Variants in CERS6 observed in about 807,000 individuals in gnomAD.
The protein encoded by CERS6 is ceramide synthase 6.
CERS6 carries 26 observed loss-of-function variants against 56.8 expected under a neutral mutation model. The observed-to-expected ratio is 0.46, with a 90% CI of 0.34 to 0.63. The LOEUF (loss-of-function observed/expected upper bound fraction) is 0.63. Among genes scored for constraint, CERS6 ranks in the 30% least tolerant of loss-of-function variants. The pLI is 0.01. For missense variants in CERS6, 415 were observed against 467.5 expected (o/e 0.89, Z 1.04); for synonymous variants, 164 against 173.3 (o/e 0.95, Z 0.42).
At chr2:168,740,391 A>G (rs1295745984) in intron 8 of CERS6, among the ~76,000 whole-genome samples, 1 of 152,200 alleles carries the variant, frequency 6.6e-6, no homozygotes, top group Non-Finnish European at 1.5e-5. Flanking sequence ...ATATTTGAAA[A>G]CTCACTATTT....
At chr2:168,638,829 A>G (rs1684922835) in intron 4 of CERS6, among the ~76,000 whole-genome samples, 1 of 152,222 alleles carries the variant, frequency 6.6e-6, no homozygotes, top group Non-Finnish European at 1.5e-5. Context: ...TGAGGTATAC[A>G]GACTTTAGGA....
At chr2:168,591,097 C>G (rs1683659240) in intron 3 of CERS6, among the ~76,000 whole-genome samples, 1 of 152,128 alleles carries the variant, frequency 6.6e-6, no homozygotes, top group African/African-American at 2.4e-5. Context: ...CTTAATATGT[C>G]TTTTATTATT....
At chr2:168,594,020 G>A (rs1468673881) in intron 3 of CERS6, among the ~76,000 whole-genome samples, 2 of 152,018 alleles carry the variant, frequency 1.3e-5, no homozygotes, top group African/African-American at 4.8e-5. Context: ...TAATGTTTTT[G>A]TTTTATTTAA....
chr2:168,734,884 G>A (rs1168774122), intron 8 of CERS6, among the ~76,000 whole-genome samples: 1 of 152,276 alleles, frequency 6.6e-6, no homozygotes, highest in East Asian at 1.9e-4. Flanking sequence ...TTTTCACAGT[G>A]CAAGACATTT....
At position 168,748,835 on chromosome 2, in the gene CERS6, G is replaced by GC. The variant is rs1007323686; in HGVS notation, c.846-16757_846-16756insC. Among the ~76,000 whole-genome samples the GC allele has an allele frequency of 1.4e-4, 19 of 138,790 alleles. No individual in the cohort carries two copies. The East Asian group carries it at 4.3e-3, about 32-fold the overall frequency. 91.1% of individuals were successfully genotyped at this position (138,790 alleles called of 152,430 possible). A position where few individuals can be genotyped will look rare whatever the true frequency, so the allele number is the denominator to read the frequency against. ...CAGAAATGGCGTGGTTGGGGGTGGGGGGGGGGCAGGTATTAAATGCCATGC... is the reference window on the plus strand; with the variant it reads ...CAGAAATGGCGTGGTTGGGGGTGGGGCGGGGGGCAGGTATTAAATGCCATGC... On this transcript the variant is annotated intron_variant, in intron 8 of 9. Transcript: ENST00000305747.
In CERS6 at chr2:168,607,096, A is replaced by G. The variant is rs76625821; in HGVS notation, c.408-23889A>G. Among the ~76,000 whole-genome samples the G allele has an allele frequency of 5.1e-3, 778 of 152,296 alleles. 11 individuals carry two copies. Among genetic ancestry groups the G allele is most frequent in the African/African-American group, 0.018 (728 of 41,570 alleles). ...TAGCAATGCAAGAATGGACTATTACAATGGGTTTTTACATTTTTAAATGGT... is the reference window on the plus strand; with the variant it reads ...TAGCAATGCAAGAATGGACTATTACGATGGGTTTTTACATTTTTAAATGGT... On this transcript the variant is annotated intron_variant, in intron 3 of 9. Coordinates refer to ENST00000305747, the MANE Select transcript of CERS6 (RefSeq NM_203463.3).
At chr2:168,639,983 A>G (rs1042912256) in intron 4 of CERS6, among the ~76,000 whole-genome samples, 2 of 152,168 alleles carry the variant, frequency 1.3e-5, no homozygotes, top group African/African-American at 4.8e-5. Flanking sequence ...GTTATCTTGG[A>G]ATGACTATTC....
chr2:168,693,871 C>G (rs190350644), intron 5 of CERS6, among the ~76,000 whole-genome samples: 16 of 152,296 alleles, frequency 1.1e-4, no homozygotes, highest in African/African-American at 3.8e-4. Flanking sequence ...TTTAGGATTG[C>G]TGGTTCTAGT....
chr2:168,514,663 C>T (rs1344102038), intron 1 of CERS6, among the ~76,000 whole-genome samples: 1 of 152,288 alleles, frequency 6.6e-6, no homozygotes, highest in East Asian at 1.9e-4. Context: ...ACCTGCCTCC[C>T]TTGGGTTAGA....
chr2:168,608,668 TG>T (rs1162957023), intron 3 of CERS6, among the ~76,000 whole-genome samples: 1 of 152,230 alleles, frequency 6.6e-6, no homozygotes, highest in Non-Finnish European at 1.5e-5. Flanking sequence ...TGGTAATTTA[TG>T]TATTGGTAGA....
At chr2:168,595,699 G>T (rs1401126788) in intron 3 of CERS6, among the ~76,000 whole-genome samples, 1 of 152,118 alleles carries the variant, frequency 6.6e-6, no homozygotes, top group Non-Finnish European at 1.5e-5. Flanking sequence ...GGTTTGAATT[G>T]ATATCATCTT....
chr2:168,610,343 C>A (rs1219029377), intron 3 of CERS6, among the ~76,000 whole-genome samples: 4 of 152,130 alleles, frequency 2.6e-5, no homozygotes, highest in African/African-American at 9.7e-5. Flanking sequence ...CATCGGGAAG[C>A]AGCTTTGGAG....
intron 4 of CERS6, among the ~76,000 whole-genome samples, chr2:168,659,102 C>T (rs1042924159): frequency 6.6e-5 from 10 of 152,182 alleles, no homozygotes; most frequent in African/African-American, 2.4e-4. Context: ...CTTTTATTTC[C>T]TAGACATTAT....
chr2:168,572,728 G>T (rs930951782), intron 3 of CERS6, among the ~76,000 whole-genome samples: 2 of 152,024 alleles, frequency 1.3e-5, no homozygotes, highest in Admixed American at 1.3e-4. Context: ...TGCACTTCTA[G>T]TTGTTCTCTA....
chr2:168,647,067 A>G (rs1268665547), intron 4 of CERS6, among the ~76,000 whole-genome samples: 1 of 152,236 alleles, frequency 6.6e-6, no homozygotes, highest in Non-Finnish European at 1.5e-5. Flanking sequence ...AGTTCTGTGA[A>G]GAATGTCATT....
chr2:168,615,654 A>AG (rs1266008501), intron 3 of CERS6, among the ~76,000 whole-genome samples: 7 of 152,328 alleles, frequency 4.6e-5, no homozygotes, highest in Admixed American at 3.3e-4. Flanking sequence ...GAATTAACAC[A>AG]GTCCAACAAA....
In CERS6 at chr2:168,682,511, A is replaced by G. The variant is rs571203561; in HGVS notation, c.466-8523A>G. Among the ~76,000 whole-genome samples, 3 of 152,254 alleles carry G rather than the reference A, an allele frequency of 2.0e-5. No individual in the cohort carries two copies. The South Asian group carries it at 6.2e-4, about 32-fold the overall frequency. On this transcript the variant is annotated intron_variant, in intron 4 of 9. Transcript: ENST00000305747. ...GTGCCTGTTAACATTTCCGTAGCTC[A>G]TCTGGTTTTAGCATAGCGGTAGTGA...
intron 1 of CERS6, among the ~76,000 whole-genome samples, chr2:168,545,191 A>G (rs1695443640): frequency 6.6e-6 from 1 of 152,212 alleles, no homozygotes; most frequent in African/African-American, 2.4e-5. Context: ...ATATATAATT[A>G]TAATAATTTT....
chr2:168,653,174 G>A (rs1003635325), intron 4 of CERS6, among the ~76,000 whole-genome samples: 1 of 152,166 alleles, frequency 6.6e-6, no homozygotes, highest in South Asian at 2.1e-4. Flanking sequence ...AAGGTCTGCA[G>A]GTCCCTCCGA....
Sources: allele counts gnomAD v4.1 joint callset (sites outside exome capture counted in the v4.1 genomes callset), GRCh38; gene constraint gnomAD v4.1.1; transcripts MANE v1.5; gene names NCBI Gene and HGNC (gene_info 2026-07-23, HGNC 2026-07-21).